Variants in CLIC4 observed in about 807,000 individuals in gnomAD.
The protein encoded by CLIC4 is CLIC family member 4.
A neutral mutation model predicts 24.6 loss-of-function variants in CLIC4; 13 were observed. The observed-to-expected ratio is 0.53, with a 90% CI of 0.34 to 0.84. The LOEUF (loss-of-function observed/expected upper bound fraction) is 0.84, where lower values mean the gene tolerates loss of function less well. CLIC4 is among the 40% of genes least tolerant of loss of function. The pLI, the probability that CLIC4 is intolerant of heterozygous loss-of-function variation, is 0.01. For missense variants in CLIC4, 227 were observed against 301.7 expected (o/e 0.75, Z 1.83); for synonymous variants, 104 against 111.3 (o/e 0.93, Z 0.41).
chr1:24,745,571 G>A lies in CLIC4; in HGVS notation c.18G>A (p.Pro6=), dbSNP rs781436580. The A allele has an allele frequency of 1.2e-5, 19 of 1,591,560 alleles. No individual in the cohort carries two copies. The South Asian group carries it at 1.9e-4, about 16-fold the overall frequency. MALSM[P]LNGLKEEDKE... ...AGCCGGCCATGGCGTTGTCGATGCC[G>A]CTGAATGGGCTGAAGGAGGAGGACA... The change falls in exon 1 of 6, where the codon CCG becomes CCA. Residue 6 remains proline (P), a synonymous_variant. Transcript: ENST00000374379.
At chr1:24,816,492 C>G (rs1046550258) in intron 3 of CLIC4, among the ~76,000 whole-genome samples, 7 of 152,108 alleles carry the variant, frequency 4.6e-5, no homozygotes, top group Admixed American at 3.9e-4. Context: ...ATCCGCCCGT[C>G]TCGGCCTCCC....
At chr1:24,767,024 TAAAAA>T (rs34142565) in intron 1 of CLIC4, among the ~76,000 whole-genome samples, 1 of 71,120 alleles carries the variant, frequency 1.4e-5, no homozygotes, top group African/African-American at 7.1e-5. Context: ...GCTGATGAGC[TAAAAA>T]AAAAAAAAAA....
chr1:24,791,530 A>G (rs962594189), intron 1 of CLIC4, among the ~76,000 whole-genome samples: 1 of 152,086 alleles, frequency 6.6e-6, no homozygotes, highest in Non-Finnish European at 1.5e-5. Context: ...ACTTGAGTTC[A>G]GGAGTTTGAG....
chr1:24,822,423 A>G (rs1639744647), intron 3 of CLIC4, among the ~76,000 whole-genome samples: 1 of 130,832 alleles, frequency 7.6e-6, no homozygotes, highest in African/African-American at 2.9e-5. Context: ...ATCTTGGCTC[A>G]TTGCAACCTC....
intron 4 of CLIC4, among the ~76,000 whole-genome samples, chr1:24,836,921 A>G (rs935851064): frequency 6.6e-6 from 1 of 152,232 alleles, no homozygotes. Flanking sequence ...TAATCCACAG[A>G]TTGAAAAAGA....
At position 24,778,301 on chromosome 1, in the gene CLIC4, T is replaced by C. The variant is rs530380629; in HGVS notation, c.73-19441T>C. 2.6e-5 allele frequency among the ~76,000 whole-genome samples: 4 copies of C among 152,328 alleles called. No individual in the cohort carries two copies. In the South Asian group the frequency reaches 8.3e-4, roughly 32 times the overall value. ...CCTCAGTTTCCTCATCTGAAACTCA[T>C]ATGAAACGAGGAAAACAACCCCTAA... On this transcript the variant is annotated intron_variant, in intron 1 of 5. Coordinates refer to ENST00000374379, the MANE Select transcript of CLIC4 (RefSeq NM_013943.3).
At chr1:24,757,907 A>C (rs1270412598) in intron 1 of CLIC4, among the ~76,000 whole-genome samples, 1 of 151,826 alleles carries the variant, frequency 6.6e-6, no homozygotes, top group Admixed American at 6.6e-5. Flanking sequence ...AGCTGGGACC[A>C]CAGGCGCATG....
intron 1 of CLIC4, among the ~76,000 whole-genome samples, chr1:24,773,730 A>G (rs1018689642): frequency 6.7e-6 from 1 of 150,046 alleles, no homozygotes; most frequent in Non-Finnish European, 1.5e-5. Flanking sequence ...CTGAGTAGCT[A>G]GGACTAAAGG....
intron 3 of CLIC4, among the ~76,000 whole-genome samples, 183 bp downstream of exon 3, chr1:24,814,402 A>T (rs1423197404): frequency 1.3e-5 from 2 of 152,220 alleles, no homozygotes; most frequent in African/African-American, 2.4e-5. Flanking sequence ...AGCCATACTA[A>T]GAAAGGTGGG....
chr1:24,751,264 C>T (rs1184976788), intron 1 of CLIC4, among the ~76,000 whole-genome samples: 1 of 137,580 alleles, frequency 7.3e-6, no homozygotes, highest in African/African-American at 2.8e-5. Context: ...GGCTGGAGTG[C>T]AGTGGCACGA....
chr1:24,745,709 A>C (rs1638680223), intron 1 of CLIC4, 84 bp downstream of exon 1: 1 of 1,132,194 alleles, frequency 8.8e-7, no homozygotes, highest in Non-Finnish European at 1.2e-6. Context: ...GGCTCTCCTG[A>C]GGCGCCCCCG....
chr1:24,778,017 A>G (rs775442735), intron 1 of CLIC4: 1 of 152,236 alleles, frequency 6.6e-6, no homozygotes, highest in Non-Finnish European at 1.5e-5. Flanking sequence ...AGAAAATTTA[A>G]TATAACATTT....
At chr1:24,800,716 C>T (rs548782454) in intron 2 of CLIC4, among the ~76,000 whole-genome samples, 2 of 152,250 alleles carry the variant, frequency 1.3e-5, no homozygotes, top group East Asian at 1.9e-4. Flanking sequence ...TTTTGTTCTG[C>T]ACTAAGAAAA....
chr1:24,747,751 T>C (rs1177416878), intron 1 of CLIC4, among the ~76,000 whole-genome samples: 1 of 152,038 alleles, frequency 6.6e-6, no homozygotes, highest in Non-Finnish European at 1.5e-5. Flanking sequence ...TAGAATAAGC[T>C]ACTATCGGGC....
rs1179728091 is a variant in CLIC4, at chr1:24,814,155, A to G, written c.244A>G (p.Ser82Gly). Residue 82 changes from serine to glycine, a missense_variant, in exon 3 of 6, where the codon AGT becomes GGT. Coordinates refer to ENST00000374379, the MANE Select transcript of CLIC4 (RefSeq NM_013943.3). ...CCACCCACCATTTATAACTTTCAAC[A>G]GTGAAGTCAAAACGGATGTAAATAA... ...GTHPPFITFN[S>G]EVKTDVNKIE... 2.5e-6 allele frequency: 4 copies of G among 1,614,182 alleles called. No homozygotes were observed. The highest frequency in any genetic ancestry group is 1.7e-5 in the Admixed American group (1 of 60,026).
chr1:24,819,439 C>CTT (rs764888181), intron 3 of CLIC4, among the ~76,000 whole-genome samples: 3 of 143,720 alleles, frequency 2.1e-5, no homozygotes, highest in African/African-American at 2.5e-5. Context: ...GTGGAAATAA[C>CTT]TTTTTTTTTT....
At chr1:24,798,879 G>A (rs1192703774) in intron 2 of CLIC4, among the ~76,000 whole-genome samples, 10 of 152,256 alleles carry the variant, frequency 6.6e-5, no homozygotes, top group African/African-American at 2.4e-4. Context: ...GCCCCTAACC[G>A]CGAGTGATCC....
chr1:24,763,938 G>A (rs1323605448), intron 1 of CLIC4, among the ~76,000 whole-genome samples: 4 of 151,990 alleles, frequency 2.6e-5, no homozygotes, highest in South Asian at 4.1e-4. Context: ...TCATCTTTGC[G>A]TCCACCACGA....
intron 1 of CLIC4, among the ~76,000 whole-genome samples, chr1:24,770,247 G>GT (rs1639054921): frequency 6.7e-6 from 1 of 150,214 alleles, no homozygotes; most frequent in Non-Finnish European, 1.5e-5. Flanking sequence ...TTATTTTTCT[G>GT]TGAGTTCTTT....
Sources: allele counts gnomAD v4.1 joint callset (sites outside exome capture counted in the v4.1 genomes callset), GRCh38; gene constraint gnomAD v4.1.1; transcripts MANE v1.5; gene names NCBI Gene and HGNC (gene_info 2026-07-23, HGNC 2026-07-21).